Variants in MAP3K8 observed in about 807,000 individuals in gnomAD.
MAP3K8 encodes the protein Ewing sarcoma transformant.
In MAP3K8, 22 loss-of-function variants were observed where a neutral mutation model predicts 45.8. The observed-to-expected ratio is 0.48, with a 90% CI of 0.34 to 0.69. The LOEUF (loss-of-function observed/expected upper bound fraction) is 0.69, where lower values mean the gene tolerates loss of function less well. MAP3K8 is among the 30% of genes least tolerant of loss of function. The pLI is 0.01. For missense variants in MAP3K8, 419 were observed against 585.0 expected (o/e 0.72, Z 2.93); for synonymous variants, 223 against 214.3 (o/e 1.04, Z -0.36).
chr10:30,436,890 G>A (rs1381281595), intron 1 of MAP3K8, among the ~76,000 whole-genome samples: 1 of 151,234 alleles, frequency 6.6e-6, no homozygotes, highest in East Asian at 1.9e-4. Flanking sequence ...CCCTAAATTA[G>A]GCTGTTTTTT....
At chr10:30,453,933 A>C (rs1836641905) in intron 6 of MAP3K8, among the ~76,000 whole-genome samples, 1 of 149,630 alleles carries the variant, frequency 6.7e-6, no homozygotes, top group Admixed American at 6.7e-5. Flanking sequence ...GGAAGGAAGG[A>C]AGGAAGGAAG....
chr10:30,461,486 G>T lies in MAP3K8; in HGVS notation c.*650G>T, dbSNP rs942453425. The T allele has an allele frequency of 5.1e-6, 1 of 195,790 alleles. No individual in the cohort carries two copies. The highest frequency in any genetic ancestry group is 1.9e-4 in the South Asian group (1 of 5,226). The allele number at this position is 195,790 out of a possible 1,614,324, so 12.1% of individuals were successfully genotyped here. ...ATGCTATGCTGAAGACATTCAAAAC[G>T]TGATGTTTTGAATGTGGATAAAACT... On this transcript the variant is annotated 3_prime_UTR_variant, in exon 9 of 9. Transcript: ENST00000263056.
At chr10:30,434,660 C>A in intron 1 of MAP3K8, 1 of 985,572 alleles carries the variant, frequency 1.0e-6, no homozygotes, top group Non-Finnish European at 1.2e-6. Flanking sequence ...CTGGTCTGGG[C>A]AGTGCGCGGG....
intron 6 of MAP3K8, among the ~76,000 whole-genome samples, chr10:30,456,421 C>T (rs1051536095): frequency 2.6e-5 from 4 of 152,096 alleles, no homozygotes; most frequent in African/African-American, 4.8e-5. Flanking sequence ...GAAGCTGGCC[C>T]GGAAGTGGCT....
chr10:30,438,024 G>T (rs1200242044), intron 2 of MAP3K8, among the ~76,000 whole-genome samples: 1 of 152,168 alleles, frequency 6.6e-6, no homozygotes, highest in East Asian at 1.9e-4. Flanking sequence ...ATCTCCAAGT[G>T]TGGCAGCTGA....
At chr10:30,459,757 T>C (rs1836869322) in intron 8 of MAP3K8, among the ~76,000 whole-genome samples, 1 of 152,186 alleles carries the variant, frequency 6.6e-6, no homozygotes, top group Admixed American at 6.5e-5. Flanking sequence ...TCTGACTTGC[T>C]TTTTTGCAAC....
At position 30,461,047 on chromosome 10, in the gene MAP3K8, C is replaced by G; in HGVS notation, c.*211C>G. The G allele has an allele frequency of 2.2e-6, 1 of 464,398 alleles. No individual in the cohort carries two copies. Among genetic ancestry groups the G allele is most frequent in the African/African-American group, 2.0e-5 (1 of 50,012 alleles). 28.8% of individuals were successfully genotyped at this position (464,398 alleles called of 1,614,324 possible). On this transcript the variant is annotated 3_prime_UTR_variant, in exon 9 of 9. Coordinates refer to ENST00000263056, the MANE Select transcript of MAP3K8 (RefSeq NM_005204.4). The stretch of plus-strand genomic sequence containing the variant: ...ACCAGGTCTCAAGGTTCTCATTTCT[C>G]AGGTGACGTGATTCTAAGGCAGGAA...
In MAP3K8 at chr10:30,458,079, T is replaced by C. The variant is rs754738360; in HGVS notation, c.874-5T>C. 6.8e-7 allele frequency: 1 copy of C among 1,473,812 alleles called. No individual in the cohort carries two copies. The highest frequency in any genetic ancestry group is 9.1e-7 in the Non-Finnish European group (1 of 1,103,266). The allele number at this position is 1,473,812 out of a possible 1,614,324, so 91.3% of individuals were successfully genotyped here. On this transcript the variant is annotated splice_region_variant and splice_polypyrimidine_tract_variant and intron_variant, in intron 6 of 8. Transcript: ENST00000263056. ...GAAGCTGAATGTTTCCCACTTCTTTTTCAGATTTACATGAGCCCAGAGGTC... is the reference window on the plus strand; with the variant it reads ...GAAGCTGAATGTTTCCCACTTCTTTCTCAGATTTACATGAGCCCAGAGGTC...
intron 1 of MAP3K8, among the ~76,000 whole-genome samples, chr10:30,435,063 A>G (rs1835869485): frequency 6.6e-6 from 1 of 152,184 alleles, no homozygotes; most frequent in African/African-American, 2.4e-5. Context: ...AGGACTCTGA[A>G]ATTTTTCTAG....
rs573906418 is a variant in MAP3K8, at chr10:30,452,791, T to A, written c.873+1047T>A. ...TCCACCTCCTGGGTTCAAGCGCTTC[T>A]TAGTCTCCTGAGTAGTTGAGATTAC... On this transcript the variant is annotated intron_variant, in intron 6 of 8. Coordinates refer to ENST00000263056, the MANE Select transcript of MAP3K8 (RefSeq NM_005204.4). 3.9e-5 allele frequency among the ~76,000 whole-genome samples: 6 copies of A among 152,254 alleles called. No homozygotes were observed. In the East Asian group the frequency reaches 7.7e-4, roughly 20 times the overall value.
At chr10:30,457,828 G>A (rs944436667) in intron 6 of MAP3K8, among the ~76,000 whole-genome samples, 6 of 151,986 alleles carry the variant, frequency 3.9e-5, no homozygotes, top group Non-Finnish European at 8.8e-5. Flanking sequence ...TGTATTTTTA[G>A]TAGAGACCAG....
chr10:30,453,688 CTT>C, intron 6 of MAP3K8, among the ~76,000 whole-genome samples: 1 of 151,952 alleles, frequency 6.6e-6, no homozygotes, highest in Non-Finnish European at 1.5e-5. Context: ...GATCCTCACT[CTT>C]TGGTGGGAGG....
intron 7 of MAP3K8, 72 bp downstream of exon 7, chr10:30,458,308 G>C: frequency 8.9e-7 from 1 of 1,121,932 alleles, no homozygotes; most frequent in Non-Finnish European, 1.2e-6. Flanking sequence ...AGGCTTGGGA[G>C]GGACTGCTCT....
At chr10:30,454,176 A>G (rs1340376630) in intron 6 of MAP3K8, among the ~76,000 whole-genome samples, 1 of 152,040 alleles carries the variant, frequency 6.6e-6, no homozygotes, top group East Asian at 1.9e-4. Flanking sequence ...GGAAGTGCCC[A>G]TAGGAAATAG....
At chr10:30,449,318 C>G (rs1836455143) in intron 4 of MAP3K8, among the ~76,000 whole-genome samples, 1 of 152,156 alleles carries the variant, frequency 6.6e-6, no homozygotes, top group Non-Finnish European at 1.5e-5. Context: ...AATCTTGGCT[C>G]ACCTCAACCT....
At position 30,458,149 on chromosome 10, in the gene MAP3K8, G is replaced by T; in HGVS notation, c.939G>T (p.Leu313=). The T allele has an allele frequency of 6.3e-7, 1 of 1,594,626 alleles. No individual in the cohort carries two copies. The highest frequency in any genetic ancestry group is 8.5e-7 in the Non-Finnish European group (1 of 1,170,128). The stretch of plus-strand genomic sequence containing the variant: ...CAACCAAAGCAGACATCTACAGCCT[G>T]GGGGCCACGCTCATCCACATGCAGA... The part of the protein sequence containing the change: ...GHSTKADIYS[L]GATLIHMQTG... Residue 313 remains leucine, a synonymous_variant, in exon 7 of 9, where the codon CTG becomes CTT. Coordinates refer to ENST00000263056, the MANE Select transcript of MAP3K8 (RefSeq NM_005204.4).
intron 3 of MAP3K8, 65 bp from the exon 4 acceptor site, chr10:30,447,717 G>A: frequency 1.5e-5 from 18 of 1,215,128 alleles, no homozygotes; most frequent in Non-Finnish European, 2.1e-5. Flanking sequence ...TTCCTAATAG[G>A]TGGGTCTTAG....
Position 30,439,145 on chromosome 10 carries a change from G to C in MAP3K8, c.207G>C (p.Glu69Asp). ...RSKSLLLSGQ[E>D]VPWLSSVRYG... is the part of the protein sequence containing the mutation. Reference sequence around the variant, plus strand: ...AGTCTCTGCTGCTTAGTGGCCAAGAGGTACCATGGTTGTCATCAGTCAGAT... The same window carrying C: ...AGTCTCTGCTGCTTAGTGGCCAAGACGTACCATGGTTGTCATCAGTCAGAT... Residue 69 changes from glutamate to aspartate, a missense_variant, in exon 3 of 9, where the codon GAG becomes GAC. Glu to Asp is a conservative substitution (Grantham distance 45, BLOSUM62 2). Around this residue, in one of 3 missense-constraint regions of MAP3K8, gnomAD observed 102 missense variants for 93.5 expected, o/e 1.09. Transcript: ENST00000263056. 1 of 1,614,170 alleles carries C rather than the reference G, an allele frequency of 6.2e-7. No individual in the cohort carries two copies. Among genetic ancestry groups the C allele is most frequent in the Non-Finnish European group, 8.5e-7 (1 of 1,180,024 alleles).
intron 7 of MAP3K8, 32 bp downstream of exon 7, chr10:30,458,268 C>CGGCGGG: frequency 2.3e-6 from 1 of 439,436 alleles, no homozygotes; most frequent in Non-Finnish European, 3.7e-6. Flanking sequence ...CTGGGGGCGG[C>CGGCGGG]GGGGGGGGGC....
Sources: allele counts gnomAD v4.1 joint callset (sites outside exome capture counted in the v4.1 genomes callset), GRCh38; gene constraint gnomAD v4.1.1; regional missense constraint gnomAD v4.1.1; transcripts MANE v1.5; gene names NCBI Gene and HGNC (gene_info 2026-07-23, HGNC 2026-07-21).